PRKD1: variants seen among roughly 807,000 people sequenced by gnomAD.
PRKD1 encodes the protein protein kinase D1.
PRKD1 carries 63 observed loss-of-function variants against 95.9 expected under a neutral mutation model. That is an observed-to-expected ratio of 0.66 (90% CI 0.54 to 0.81). The LOEUF is 0.81. PRKD1 is among the 30% of genes least tolerant of loss of function. PRKD1 has a pLI of 0.00. For synonymous variants in PRKD1, 425 were observed against 423.1 expected (o/e 1.00, Z -0.05); for missense variants, 1,048 against 1,165.3 (o/e 0.90, Z 1.47).
chr14:29,771,890 C>A (rs150712861), intron 1 of PRKD1, among the ~76,000 whole-genome samples: 1 of 152,188 alleles, frequency 6.6e-6, no homozygotes, highest in African/African-American at 2.4e-5. Flanking sequence ...GGACTTATTG[C>A]AACTTGTACT....
chr14:29,855,390 C>A (rs1457693032), intron 1 of PRKD1, among the ~76,000 whole-genome samples: 1 of 152,170 alleles, frequency 6.6e-6, no homozygotes, highest in Non-Finnish European at 1.5e-5. Context: ...GACTGCCCAG[C>A]TAGATTTCAG....
At chr14:29,793,220 C>T (rs186227367) in intron 1 of PRKD1, among the ~76,000 whole-genome samples, 2 of 151,838 alleles carry the variant, frequency 1.3e-5, no homozygotes, top group Middle Eastern at 3.4e-3. Flanking sequence ...AGAATGCAAT[C>T]GCACTTAAAA....
intron 13 of PRKD1, among the ~76,000 whole-genome samples, chr14:29,615,666 T>G (rs562859106): frequency 6.6e-6 from 1 of 152,220 alleles, no homozygotes; most frequent in African/African-American, 2.4e-5. Flanking sequence ...TCTAACTACT[T>G]GTATCTGACT....
intron 1 of PRKD1, among the ~76,000 whole-genome samples, chr14:29,737,093 C>G (rs1208708106): frequency 6.6e-6 from 1 of 151,660 alleles, no homozygotes; most frequent in Non-Finnish European, 1.5e-5. Context: ...GAGGCCGAGG[C>G]GGGTGGATCA....
intron 1 of PRKD1, among the ~76,000 whole-genome samples, chr14:29,727,599 A>G (rs1886223361): frequency 6.6e-6 from 1 of 150,858 alleles, no homozygotes; most frequent in African/African-American, 2.4e-5. Context: ...ATCCAGTTTC[A>G]GCTTTCTACA....
At chr14:29,899,374 C>T (rs1469682945) in intron 1 of PRKD1, among the ~76,000 whole-genome samples, 2 of 152,090 alleles carry the variant, frequency 1.3e-5, no homozygotes, top group South Asian at 2.1e-4. Flanking sequence ...TGGCCAGGCA[C>T]GGTGGCTCAC....
chr14:29,715,545 T>C (rs774448608), intron 2 of PRKD1, among the ~76,000 whole-genome samples: 1 of 152,156 alleles, frequency 6.6e-6, no homozygotes, highest in Non-Finnish European at 1.5e-5. Flanking sequence ...AATTTCATGC[T>C]TTTGTAACAA....
chr14:29,861,624 C>G (rs1053494496), intron 1 of PRKD1, among the ~76,000 whole-genome samples: 6 of 152,014 alleles, frequency 3.9e-5, no homozygotes, highest in African/African-American at 1.5e-4. Flanking sequence ...GTCATGCTAT[C>G]AAATACTAGG....
At chr14:29,824,906 T>C (rs899082532) in intron 1 of PRKD1, among the ~76,000 whole-genome samples, 1 of 152,070 alleles carries the variant, frequency 6.6e-6, no homozygotes, top group African/African-American at 2.4e-5. Flanking sequence ...GACACCATAT[T>C]CTTTCACTCA....
At chr14:29,700,332 A>G (rs1325478798) in intron 2 of PRKD1, among the ~76,000 whole-genome samples, 2 of 152,194 alleles carry the variant, frequency 1.3e-5, no homozygotes, top group Non-Finnish European at 1.5e-5. Context: ...ATTTGTTTGA[A>G]TAAGAGCTGA....
chr14:29,860,418 A>G (rs1234777597), intron 1 of PRKD1, among the ~76,000 whole-genome samples: 5 of 152,312 alleles, frequency 3.3e-5, no homozygotes, highest in African/African-American at 9.6e-5. Flanking sequence ...TATATCTCCT[A>G]ATGGTAAAAG....
At chr14:29,657,711 C>T (rs1163731794) in intron 4 of PRKD1, 1 of 152,280 alleles carries the variant, frequency 6.6e-6, no homozygotes, top group African/African-American at 2.4e-5. Flanking sequence ...TTAAAAAATA[C>T]AAAAAATTAG....
At chr14:29,735,614 G>A (rs1249505826) in intron 1 of PRKD1, among the ~76,000 whole-genome samples, 1 of 152,210 alleles carries the variant, frequency 6.6e-6, no homozygotes, top group Non-Finnish European at 1.5e-5. Context: ...TTGCTTGTGT[G>A]ATGCAAGAGT....
chr14:29,599,610 T>C, intron 14 of PRKD1, 46 bp downstream of exon 14: 1 of 1,540,722 alleles, frequency 6.5e-7, no homozygotes. Flanking sequence ...GTGATAACAT[T>C]TGATATTAAA....
intron 1 of PRKD1, among the ~76,000 whole-genome samples, chr14:29,877,124 C>T (rs1893327084): frequency 6.6e-6 from 1 of 152,098 alleles, no homozygotes; most frequent in Non-Finnish European, 1.5e-5. Flanking sequence ...CGCACTCCAG[C>T]CTGGGCCAGA....
chr14:29,823,855 G>C (rs1891013777), intron 1 of PRKD1, among the ~76,000 whole-genome samples: 1 of 152,144 alleles, frequency 6.6e-6, no homozygotes, highest in Non-Finnish European at 1.5e-5. Context: ...TGAAGTCGAA[G>C]AAACAGGAGC....
At chr14:29,608,962 A>G (rs1878224776) in intron 13 of PRKD1, among the ~76,000 whole-genome samples, 1 of 152,204 alleles carries the variant, frequency 6.6e-6, no homozygotes. Flanking sequence ...GTTAATATGT[A>G]CTGTCAGAGG....
chr14:29,583,404 C>A (rs1410210026), intron 16 of PRKD1, among the ~76,000 whole-genome samples: 1 of 152,084 alleles, frequency 6.6e-6, no homozygotes, highest in African/African-American at 2.4e-5. Flanking sequence ...ACCCCCACCT[C>A]ACACCACTTT....
chr14:29,622,389 T>C (rs58083969), intron 13 of PRKD1, among the ~76,000 whole-genome samples: 37 of 13,128 alleles, frequency 2.8e-3, no homozygotes, highest in Non-Finnish European at 3.7e-3. Context: ...TCCTTCCTTC[T>C]TTCCTTCCTT....
Sources: gnomAD v4.1 joint callset for allele counts (sites outside exome capture counted in the v4.1 genomes callset) on GRCh38, gnomAD v4.1.1 for gene constraint, MANE v1.5 for transcripts, NCBI Gene and HGNC (gene_info 2026-07-23, HGNC 2026-07-21) for gene names.